The following GRM7 variants were observed in gnomAD, a reference collection of about 807,000 sequenced individuals.
The protein encoded by GRM7 is glutamate metabotropic receptor 7.
A neutral mutation model predicts 84.5 loss-of-function variants in GRM7; 35 were observed. The observed-to-expected ratio is 0.41, with a 90% CI of 0.32 to 0.55. The LOEUF is 0.55. Among genes scored for constraint, GRM7 ranks in the 20% least tolerant of loss-of-function variants. The pLI is 0.19. For synonymous variants in GRM7, 487 were observed against 455.1 expected (o/e 1.07, Z -0.89); for missense variants, 1,003 against 1,194.6 (o/e 0.84, Z 2.36).
At chr3:6,898,078 G>A (rs532402126) in intron 1 of GRM7, among the ~76,000 whole-genome samples, 5 of 152,274 alleles carry the variant, frequency 3.3e-5, no homozygotes, top group Admixed American at 6.5e-5. Flanking sequence ...AAGCTAGAAG[G>A]CAAGGACATC....
In GRM7 at chr3:6,991,997, A is replaced by G. The variant is rs1694653740; in HGVS notation, c.519+130090A>G. On this transcript the variant is annotated intron_variant, in intron 1 of 9. Transcript: ENST00000357716. ...AAAAAGGAAAAAAAAAAAACTATCA[A>G]TGCCATCTGCCACAGAGAAGTCACG... 2.0e-5 allele frequency among the ~76,000 whole-genome samples: 3 copies of G among 152,322 alleles called. No homozygotes were observed. The South Asian group carries it at 6.2e-4, about 32-fold the overall frequency.
chr3:6,897,909 C>T (rs1373745850), intron 1 of GRM7, among the ~76,000 whole-genome samples: 1 of 152,134 alleles, frequency 6.6e-6, no homozygotes, highest in Non-Finnish European at 1.5e-5. Flanking sequence ...AGAGTGGGGG[C>T]CTCCCCATAG....
At chr3:7,371,769 G>A (rs1012900747) in intron 4 of GRM7, among the ~76,000 whole-genome samples, 7 of 152,124 alleles carry the variant, frequency 4.6e-5, no homozygotes, top group African/African-American at 1.7e-4. Context: ...CAGCCCATGA[G>A]TTTAATCCCT....
intron 1 of GRM7, among the ~76,000 whole-genome samples, chr3:6,885,623 C>A (rs776972234): frequency 6.6e-6 from 1 of 152,138 alleles, no homozygotes; most frequent in Non-Finnish European, 1.5e-5. Context: ...TTCCCATGTC[C>A]GGTGCAAATG....
rs17046886 is a variant in GRM7 at position 7,151,742 on chromosome 3, T to C, written c.736+5074T>C. On this transcript the variant is annotated intron_variant, in intron 2 of 9. Coordinates refer to ENST00000357716, the MANE Select transcript of GRM7 (RefSeq NM_000844.4). The surrounding 1 kb of genome is among the most constrained non-coding windows in gnomAD (Gnocchi z 4.5). ...GAGAAACACCTTACGATATGTAATTTTGCTAGAAGGCCATAAAATACTACA... is the reference window on the plus strand; with the variant it reads ...GAGAAACACCTTACGATATGTAATTCTGCTAGAAGGCCATAAAATACTACA... Among the ~76,000 whole-genome samples, 496 of 152,270 alleles carry C rather than the reference T, an allele frequency of 3.3e-3. 1 individual carries two copies. The highest frequency in any genetic ancestry group is 0.011 in the African/African-American group (468 of 41,578).
intron 1 of GRM7, among the ~76,000 whole-genome samples, chr3:6,895,524 G>C (rs540391548): frequency 2.0e-5 from 3 of 152,198 alleles, no homozygotes; most frequent in African/African-American, 7.2e-5. Flanking sequence ...TTACAAATTA[G>C]GAAAGTGAAG....
intron 2 of GRM7, among the ~76,000 whole-genome samples, chr3:7,288,503 T>C (rs1699508035): frequency 6.6e-6 from 1 of 152,140 alleles, no homozygotes; most frequent in Admixed American, 6.6e-5. Context: ...TTTGGCTCTG[T>C]AGCATTGGAC....
intron 1 of GRM7, among the ~76,000 whole-genome samples, chr3:7,085,299 T>C (rs1256172113): frequency 6.6e-6 from 1 of 152,228 alleles, no homozygotes; most frequent in Non-Finnish European, 1.5e-5. Context: ...TATCATGTTA[T>C]CTATTTCCCC....
At chr3:7,383,963 G>A (rs1480350037) in intron 4 of GRM7, among the ~76,000 whole-genome samples, 1 of 152,078 alleles carries the variant, frequency 6.6e-6, no homozygotes, top group Non-Finnish European at 1.5e-5. Flanking sequence ...TAAGTCATCT[G>A]GACCCTACTC....
intron 7 of GRM7, among the ~76,000 whole-genome samples, chr3:7,496,294 C>T (rs894550806): frequency 6.6e-6 from 1 of 152,194 alleles, no homozygotes; most frequent in African/African-American, 2.4e-5. Flanking sequence ...CAACTAGACA[C>T]TGTGAGCCTC....
intron 1 of GRM7, among the ~76,000 whole-genome samples, chr3:7,060,339 A>G (rs1305124758): frequency 2.6e-5 from 4 of 151,484 alleles, no homozygotes; most frequent in African/African-American, 7.3e-5. Flanking sequence ...CTCCACCACC[A>G]CCTCCTTGCA....
intron 2 of GRM7, among the ~76,000 whole-genome samples, chr3:7,228,447 CACA>C (rs756673490): frequency 6.6e-6 from 1 of 152,258 alleles, no homozygotes; most frequent in African/African-American, 2.4e-5. Flanking sequence ...AATTTCAGAA[CACA>C]ACATCTTCAG....
At chr3:7,200,314 T>C (rs1559498730) in intron 2 of GRM7, among the ~76,000 whole-genome samples, 3 of 152,236 alleles carry the variant, frequency 2.0e-5, no homozygotes, top group East Asian at 1.9e-4. Flanking sequence ...ATTCAAATCA[T>C]AGCACCTTTA....
intron 4 of GRM7, among the ~76,000 whole-genome samples, chr3:7,380,426 A>G (rs979657936): frequency 6.6e-6 from 1 of 152,218 alleles, no homozygotes; most frequent in East Asian, 1.9e-4. Context: ...TGTCACCACA[A>G]TATTTCAACT....
At chr3:7,223,989 G>A (rs1359849330) in intron 2 of GRM7, among the ~76,000 whole-genome samples, 2 of 152,072 alleles carry the variant, frequency 1.3e-5, no homozygotes, top group Admixed American at 6.6e-5. Flanking sequence ...GTTGACTAAG[G>A]GATTATCCAA....
intron 2 of GRM7, among the ~76,000 whole-genome samples, chr3:7,286,449 A>T (rs961122213): frequency 7.9e-5 from 12 of 152,208 alleles, no homozygotes; most frequent in African/African-American, 2.7e-4. Flanking sequence ...GTTTATCAGG[A>T]GCAAATGATT....
chr3:7,050,044 A>T (rs1471427352), intron 1 of GRM7, among the ~76,000 whole-genome samples: 1 of 151,884 alleles, frequency 6.6e-6, no homozygotes, highest in Non-Finnish European at 1.5e-5. Context: ...AACAGAAAAT[A>T]TCACTCCTGT....
intron 1 of GRM7, among the ~76,000 whole-genome samples, chr3:7,136,674 A>G (rs762245673): frequency 6.6e-6 from 1 of 152,108 alleles, no homozygotes; most frequent in Admixed American, 6.6e-5. Context: ...TTTGTGGATG[A>G]GGAGCAGGTC....
At chr3:7,600,719 C>A (rs1023394503) in intron 8 of GRM7, among the ~76,000 whole-genome samples, 2 of 152,094 alleles carry the variant, frequency 1.3e-5, no homozygotes, top group East Asian at 3.9e-4. Context: ...ATCATCTTAA[C>A]CAAAGTTTAT....
Sources: allele counts gnomAD v4.1 joint callset (sites outside exome capture counted in the v4.1 genomes callset), GRCh38; gene constraint gnomAD v4.1.1; non-coding constraint Gnocchi (gnomAD v3.1); transcripts MANE v1.5; gene names NCBI Gene and HGNC (gene_info 2026-07-23, HGNC 2026-07-21).